Variants in KIF21B observed in about 807,000 individuals in gnomAD.
KIF21B encodes kinesin family member 21B.
A neutral mutation model predicts 192.9 loss-of-function variants in KIF21B; 85 were observed. The observed-to-expected ratio is 0.44, with a 90% CI of 0.37 to 0.53. The LOEUF is 0.53. KIF21B is among the 20% of genes least tolerant of loss of function. The pLI is 0.00. For missense variants in KIF21B, 1,716 were observed against 2,194.8 expected (o/e 0.78, Z 4.36); for synonymous variants, 832 against 884.6 (o/e 0.94, Z 1.05).
chr1:201,010,769 G>T (rs1224019099), intron 1 of KIF21B, among the ~76,000 whole-genome samples: 1 of 152,242 alleles, frequency 6.6e-6, no homozygotes, highest in African/African-American at 2.4e-5. Flanking sequence ...TCGCCACCCT[G>T]TCTCTGTCCC....
Position 201,005,577 on chromosome 1 carries a change from C to G in KIF21B, c.565G>C (p.Val189Leu), listed in dbSNP as rs771821901. The G allele has an allele frequency of 6.2e-7, 1 of 1,614,068 alleles. No homozygotes were observed. The highest frequency in any genetic ancestry group is 8.5e-7 in the Non-Finnish European group (1 of 1,179,968). ...DANGGIYTTGVTSRLIHSQEE... is the reference protein window; with the variant it reads ...DANGGIYTTGLTSRLIHSQEE... Reference sequence around the variant, plus strand: ...TGGGAGTGGATGAGGCGAGAAGTGACGCCAGTGGTGTAGATGCCACCGTTT... The same window carrying G: ...TGGGAGTGGATGAGGCGAGAAGTGAGGCCAGTGGTGTAGATGCCACCGTTT... The change falls in exon 4 of 35, where the codon GTC becomes CTC. Residue 189 changes from valine (V) to leucine (L), a missense_variant. Transcript: ENST00000461742.
In KIF21B at chr1:200,990,079, G is replaced by A. The variant is rs2102409681; in HGVS notation, c.3031-36C>T. On this transcript the variant is annotated intron_variant, in intron 20 of 34. Coordinates refer to ENST00000461742, the MANE Select transcript of KIF21B (RefSeq NM_001252102.2). This position sits in a 1 kb window ranked among gnomAD's most constrained non-coding sequence, Gnocchi z 5.4. ...GAGGCAGAGAGCCCCGTCACCTGGG[G>A]CTACCCCTGCCACCCATCTCTCCCG... 2 of 1,611,460 alleles carry A rather than the reference G, an allele frequency of 1.2e-6. No individual in the cohort carries two copies. Among genetic ancestry groups the A allele is most frequent in the South Asian group, 2.2e-5 (2 of 90,982 alleles).
intron 1 of KIF21B, among the ~76,000 whole-genome samples, chr1:201,016,901 C>G (rs546387578): frequency 9.8e-5 from 15 of 152,288 alleles, no homozygotes; most frequent in African/African-American, 3.6e-4. Flanking sequence ...ATGGTGCAAG[C>G]AGTCTGTCAA....
chr1:201,009,239 C>T (rs906458888), intron 2 of KIF21B, 27 bp downstream of exon 2: 1 of 1,603,408 alleles, frequency 6.2e-7, no homozygotes, highest in Non-Finnish European at 8.5e-7. Context: ...GCTGGAGCCG[C>T]CATAGGTGGG....
intron 1 of KIF21B, among the ~76,000 whole-genome samples, chr1:201,018,423 A>G (rs536998151): frequency 6.6e-6 from 1 of 152,356 alleles, no homozygotes; most frequent in East Asian, 1.9e-4. Context: ...GCAATCCCAT[A>G]CAGGAGAATC....
At chr1:200,993,464 G>C (rs750485090) in intron 15 of KIF21B, among the ~76,000 whole-genome samples, 1 of 152,156 alleles carries the variant, frequency 6.6e-6, no homozygotes, top group Non-Finnish European at 1.5e-5. Flanking sequence ...GAAACAGGCC[G>C]AGCGCGGTGG....
intron 15 of KIF21B, among the ~76,000 whole-genome samples, chr1:200,994,567 T>C (rs145963442): frequency 4.9e-4 from 75 of 152,290 alleles, no homozygotes; most frequent in Admixed American, 2.1e-3. Context: ...GAAACACAGG[T>C]CTACACATGA....
intron 2 of KIF21B, 102 bp from the exon 3 acceptor site, chr1:201,009,053 C>A: frequency 1.5e-6 from 2 of 1,369,678 alleles, no homozygotes; most frequent in South Asian, 2.8e-5. Flanking sequence ...CCTCCCAGCC[C>A]GGTTCCCCTG....
At chr1:201,012,554 G>A (rs571790881) in intron 1 of KIF21B, among the ~76,000 whole-genome samples, 1 of 152,312 alleles carries the variant, frequency 6.6e-6, no homozygotes, top group East Asian at 1.9e-4. Context: ...AGTAAATACA[G>A]TGAAGTTGGG....
intron 3 of KIF21B, among the ~76,000 whole-genome samples, chr1:201,007,688 ACACACACAGACAGATG>A (rs1417572434): frequency 5.9e-5 from 9 of 151,920 alleles, no homozygotes; most frequent in South Asian, 2.1e-4. Flanking sequence ...ACACGCACAG[ACACACACAGACAGATG>A]CGCACACAGA....
At position 201,023,379 on chromosome 1, in the gene KIF21B, G is replaced by A; in HGVS notation, c.5C>T (p.Ala2Val). ...CTTGACGCAGCAGTCCCCCTGGCCG[G>A]CCATGGCCCTCTGGAGCTAGGGTCT... M[A>V]GQGDCCVKVA... The change falls in exon 1 of 35, where the codon GCC (alanine) becomes GTC (valine). Residue 2 changes from alanine (A) to valine (V), a missense_variant. By Grantham distance (64) the Ala-to-Val change is moderately conservative. Transcript: ENST00000461742. This position sits in a 1 kb window ranked among gnomAD's most constrained non-coding sequence, Gnocchi z 5.9. 1 of 1,526,082 alleles carries A rather than the reference G, an allele frequency of 6.6e-7. No homozygotes were observed. The highest frequency in any genetic ancestry group is 8.8e-7 in the Non-Finnish European group (1 of 1,139,230). 94.5% of individuals were successfully genotyped at this position (1,526,082 alleles called of 1,614,324 possible). A position where few individuals can be genotyped will look rare whatever the true frequency, so the allele number is the denominator to read the frequency against.
Position 200,972,319 on chromosome 1 carries a change from C to T in KIF21B, c.*1202G>A, listed in dbSNP as rs1017940906. 2 of 152,118 alleles carry T rather than the reference C, an allele frequency of 1.3e-5. No individual in the cohort carries two copies. Among genetic ancestry groups the T allele is most frequent in the Non-Finnish European group, 2.9e-5 (2 of 67,970 alleles). The allele number at this position is 152,118 out of a possible 1,614,324, so 9.4% of individuals were successfully genotyped here. On this transcript the variant is annotated 3_prime_UTR_variant, in exon 35 of 35. Coordinates refer to ENST00000461742, the MANE Select transcript of KIF21B (RefSeq NM_001252102.2). ...ACCAGAGAGAGAGAAGCTGGAGAGACTCCCCGGCCCAGTGGGGGACTGCAG... is the reference window on the plus strand; with the variant it reads ...ACCAGAGAGAGAGAAGCTGGAGAGATTCCCCGGCCCAGTGGGGGACTGCAG...
rs370656396 is a variant in KIF21B, at chr1:200,977,268, C to G, written c.4269G>C (p.Ser1423=). ...HQINQIALSP[S]GTMLYAASGN... ...CCGAGGCGGCGTACAGCATGGTGCC[C>G]GAAGGGCTGAGGGCGATCTGGTTGA... Residue 1423 remains serine (S), a synonymous_variant, in exon 31 of 35, where the codon TCG becomes TCC. Transcript: ENST00000461742. 221 of 1,614,166 alleles carry G rather than the reference C, an allele frequency of 1.4e-4. 3 individuals are homozygous for G. In the East Asian group the frequency reaches 2.5e-3, roughly 18 times the overall value.
In KIF21B at chr1:200,975,623, T is replaced by C. The variant is rs757683666; in HGVS notation, c.4490A>G (p.His1497Arg). The C allele has an allele frequency of 8.1e-6, 13 of 1,613,830 alleles. No individual in the cohort carries two copies. The highest frequency in any genetic ancestry group is 3.3e-5 in the South Asian group (3 of 91,060). Reference sequence around the variant, plus strand: ...ATCGTAGTGCGGGGGCTCGAAGTTGTGAGTGGGGCCGATGGTGCCCGTCAC... The same window carrying C: ...ATCGTAGTGCGGGGGCTCGAAGTTGCGAGTGGGGCCGATGGTGCCCGTCAC... ...ECVTGTIGPT[H>R]NFEPPHYDGI... Residue 1497 changes from histidine (H) to arginine (R), a missense_variant, in exon 33 of 35, where the codon CAC (histidine) becomes CGC (arginine). His to Arg is a conservative substitution (Grantham distance 29). This residue lies in a region of KIF21B where 580 missense variants were observed against 775.5 expected (regional missense o/e 0.75). Coordinates refer to ENST00000461742, the MANE Select transcript of KIF21B (RefSeq NM_001252102.2). This position sits in a 1 kb window ranked among gnomAD's most constrained non-coding sequence, Gnocchi z 4.3.
In KIF21B at chr1:200,982,704, CT is replaced by C. The variant is rs1375185453; in HGVS notation, c.3842+351del. On this transcript the variant is annotated intron_variant, in intron 28 of 34. Coordinates refer to ENST00000461742, the MANE Select transcript of KIF21B (RefSeq NM_001252102.2). The surrounding 1 kb of genome is among the most constrained non-coding windows in gnomAD (Gnocchi z 4.7). ...GAGCAGCCTTCAGCATTTCCCCTGC[CT>C]TCCAGTCGTGGAGAACTCAGCCCCA... 6.6e-6 allele frequency among the ~76,000 whole-genome samples: 1 copy of C among 152,230 alleles called. No homozygotes were observed. Among genetic ancestry groups the C allele is most frequent in the Non-Finnish European group, 1.5e-5 (1 of 68,034 alleles).
In KIF21B at chr1:200,999,679, T is replaced by C. The variant is rs935452540; in HGVS notation, c.1767+204A>G. Among the ~76,000 whole-genome samples, 2 of 149,444 alleles carry C rather than the reference T, an allele frequency of 1.3e-5. No homozygotes were observed. The highest frequency in any genetic ancestry group is 4.9e-5 in the African/African-American group (2 of 40,532). On this transcript the variant is annotated intron_variant, in intron 12 of 34. Coordinates refer to ENST00000461742, the MANE Select transcript of KIF21B (RefSeq NM_001252102.2). This position sits in a 1 kb window ranked among gnomAD's most constrained non-coding sequence, Gnocchi z 4.7. ...CTCTAGGAGGGCCTCCCCACCTGCA[T>C]CATCCGTTTGGGATGAGGTGGGGTC...
intron 15 of KIF21B, among the ~76,000 whole-genome samples, chr1:200,993,765 C>CAA (rs553024029): frequency 3.8e-4 from 35 of 91,714 alleles, no homozygotes; most frequent in South Asian, 3.7e-3. Context: ...CAAAACAAAA[C>CAA]AAAAAAAAAA....
chr1:200,987,430 GATAGGGTCTCGCC>G (rs565014207), intron 24 of KIF21B, among the ~76,000 whole-genome samples: 123 of 151,906 alleles, frequency 8.1e-4, no homozygotes, highest in Middle Eastern at 3.4e-3. Context: ...TTTCTGTAGA[GATAGGGTCTCGCC>G]ATGTTGTCCA....
Position 201,002,318 on chromosome 1 carries a change from C to T in KIF21B, c.1245G>A (p.Glu415=). ...GKRVIGEDGA[E]GYSDLFRENA... is the part of the protein sequence containing the mutation. Reference sequence around the variant, plus strand: ...TCTCTCGGAACAGATCACTATAGCCCTCAGCGCCATCCTCTCCTATCACTC... The same window carrying T: ...TCTCTCGGAACAGATCACTATAGCCTTCAGCGCCATCCTCTCCTATCACTC... The change falls in exon 9 of 35, where the codon GAG becomes GAA. Residue 415 remains glutamate (E), a synonymous_variant. Coordinates refer to ENST00000461742, the MANE Select transcript of KIF21B (RefSeq NM_001252102.2). 2 of 1,614,186 alleles carry T rather than the reference C, an allele frequency of 1.2e-6. No homozygotes were observed. The highest frequency in any genetic ancestry group is 1.1e-5 in the South Asian group (1 of 91,082).
Sources: allele counts gnomAD v4.1 joint callset (sites outside exome capture counted in the v4.1 genomes callset), GRCh38; gene constraint gnomAD v4.1.1; regional missense constraint gnomAD v4.1.1; non-coding constraint Gnocchi (gnomAD v3.1); transcripts MANE v1.5; gene names NCBI Gene and HGNC (gene_info 2026-07-23, HGNC 2026-07-21).